The following RASGEF1C variants were observed in gnomAD, a reference collection of about 807,000 sequenced individuals.
RASGEF1C encodes ras-GEF domain-containing family member 1C.
A neutral mutation model predicts 58.1 loss-of-function variants in RASGEF1C; 27 were observed. The ratio of observed to expected loss-of-function variants is 0.46; its 90% CI spans 0.34 to 0.64. The LOEUF is 0.64. Among genes scored for constraint, RASGEF1C ranks in the 30% least tolerant of loss-of-function variants. The pLI, the probability that RASGEF1C is intolerant of heterozygous loss-of-function variation, is 0.01. For synonymous variants in RASGEF1C, 243 were observed against 246.3 expected (o/e 0.99, Z 0.13); for missense variants, 502 against 605.1 (o/e 0.83, Z 1.79).
At chr5:180,182,474 C>CA (rs1561754364) in intron 1 of RASGEF1C, among the ~76,000 whole-genome samples, 1 of 152,146 alleles carries the variant, frequency 6.6e-6, no homozygotes, top group Non-Finnish European at 1.5e-5. Context: ...AGCAGGTTGC[C>CA]GCTGTTGGCT....
rs1483684387 is a variant in RASGEF1C at position 180,198,286 on chromosome 5, G to A, written c.-7+10742C>T. Among the ~76,000 whole-genome samples the A allele has an allele frequency of 6.6e-6, 1 of 152,218 alleles. No individual in the cohort carries two copies. Among genetic ancestry groups the A allele is most frequent in the Non-Finnish European group, 1.5e-5 (1 of 68,042 alleles). On this transcript the variant is annotated intron_variant, in intron 1 of 13. Coordinates refer to ENST00000361132, the MANE Select transcript of RASGEF1C (RefSeq NM_175062.4). This position sits in a 1 kb window ranked among gnomAD's most constrained non-coding sequence, Gnocchi z 4.5. ...TCTGAAAGTCAAAGACACATGTCGGGTGCCCAAGAAGGGAAGAAAGTGAAG... is the reference window on the plus strand; with the variant it reads ...TCTGAAAGTCAAAGACACATGTCGGATGCCCAAGAAGGGAAGAAAGTGAAG...
rs752023456 is a variant in RASGEF1C, at chr5:180,156,585, A to G, written c.-6-18527T>C. On this transcript the variant is annotated intron_variant, in intron 1 of 13. Coordinates refer to ENST00000361132, the MANE Select transcript of RASGEF1C (RefSeq NM_175062.4). This position sits in a 1 kb window ranked among gnomAD's most constrained non-coding sequence, Gnocchi z 4.9. Reference sequence around the variant, plus strand: ...GCAGTTCAAGACCAGCCTGGGCAACATGGTGAGATCCTGTCTCTACTAAAA... The same window carrying G: ...GCAGTTCAAGACCAGCCTGGGCAACGTGGTGAGATCCTGTCTCTACTAAAA... 2.7e-4 allele frequency among the ~76,000 whole-genome samples: 41 copies of G among 152,132 alleles called. No individual in the cohort carries two copies. Among genetic ancestry groups the G allele is most frequent in the Non-Finnish European group, 5.0e-4 (34 of 67,984 alleles).
Position 180,136,373 on chromosome 5 carries a change from C to G in RASGEF1C, c.438+5G>C. On this transcript the variant is annotated splice_donor_5th_base_variant and intron_variant, in intron 4 of 13. Coordinates refer to ENST00000361132, the MANE Select transcript of RASGEF1C (RefSeq NM_175062.4). ...GGGTGACGCGACCCCCGCCCAGCTGCCCACCTCGTCACAGGGGGCGATGCG... is the reference window on the plus strand; with the variant it reads ...GGGTGACGCGACCCCCGCCCAGCTGGCCACCTCGTCACAGGGGGCGATGCG... The G allele has an allele frequency of 1.3e-6, 2 of 1,553,398 alleles. No homozygotes were observed. Among genetic ancestry groups the G allele is most frequent in the East Asian group, 2.4e-5 (1 of 41,166 alleles).
intron 1 of RASGEF1C, among the ~76,000 whole-genome samples, chr5:180,187,919 G>C (rs1048212243): frequency 1.3e-5 from 2 of 152,174 alleles, no homozygotes; most frequent in African/African-American, 4.8e-5. Flanking sequence ...AGGACAGTTT[G>C]ACAGTTCCTC....
At chr5:180,207,856 CAGACG>C (rs1756516863) in intron 1 of RASGEF1C, among the ~76,000 whole-genome samples, 1 of 152,118 alleles carries the variant, frequency 6.6e-6, no homozygotes, top group East Asian at 1.9e-4. Flanking sequence ...CCTCCCTGAC[CAGACG>C]AAGGCTCCGC....
At chr5:180,124,184 A>AT (rs1248607492) in intron 6 of RASGEF1C, among the ~76,000 whole-genome samples, 2 of 151,854 alleles carry the variant, frequency 1.3e-5, no homozygotes, top group Non-Finnish European at 2.9e-5. Context: ...GTGAGCCGAG[A>AT]TAGCGCCACT....
At chr5:180,118,140 C>A (rs1034227415) in intron 10 of RASGEF1C, among the ~76,000 whole-genome samples, 6 of 152,084 alleles carry the variant, frequency 3.9e-5, no homozygotes, top group Non-Finnish European at 7.4e-5. Flanking sequence ...GGTGGAAGAT[C>A]CTGTGTACCT....
Position 180,132,314 on chromosome 5 carries a change from C to T in RASGEF1C, c.439-3704G>A, listed in dbSNP as rs116268371. ...GCGTGCATAGAGCCGGGTGTGAATGCGGAGTCGTCCGACGGTGGCCTGGGC... is the reference window on the plus strand; with the variant it reads ...GCGTGCATAGAGCCGGGTGTGAATGTGGAGTCGTCCGACGGTGGCCTGGGC... On this transcript the variant is annotated intron_variant, in intron 4 of 13. Coordinates refer to ENST00000361132, the MANE Select transcript of RASGEF1C (RefSeq NM_175062.4). 6.7e-3 allele frequency among the ~76,000 whole-genome samples: 1,025 copies of T among 152,348 alleles called. 11 individuals carry two copies. Among genetic ancestry groups the T allele is most frequent in the Non-Finnish European group, 9.6e-3 (654 of 68,036 alleles).
intron 1 of RASGEF1C, among the ~76,000 whole-genome samples, chr5:180,174,043 C>T (rs934740225): frequency 1.1e-4 from 17 of 151,888 alleles, no homozygotes; most frequent in African/African-American, 3.4e-4. Context: ...TGGTCCTCCT[C>T]GCTGCTGCTC....
At chr5:180,140,686 A>G (rs1233251888) in intron 1 of RASGEF1C, among the ~76,000 whole-genome samples, 1 of 152,108 alleles carries the variant, frequency 6.6e-6, no homozygotes, top group Non-Finnish European at 1.5e-5. Flanking sequence ...CACAGAGGAC[A>G]CTGCTGCTCC....
chr5:180,174,410 G>A (rs1444597253), intron 1 of RASGEF1C, among the ~76,000 whole-genome samples: 1 of 150,728 alleles, frequency 6.6e-6, no homozygotes. Context: ...GCGTCTGTGT[G>A]TGCGTGCGTG....
chr5:180,136,882 C>A (rs991992489), intron 3 of RASGEF1C: 2 of 239,414 alleles, frequency 8.4e-6, no homozygotes, highest in Non-Finnish European at 1.6e-5. Flanking sequence ...CAGTGATTGG[C>A]TCACAGGTGG....
In RASGEF1C at chr5:180,153,337, C is replaced by T. The variant is rs1766795813; in HGVS notation, c.-6-15279G>A. Among the ~76,000 whole-genome samples, 7 of 152,310 alleles carry T rather than the reference C, an allele frequency of 4.6e-5. 1 individual carries two copies. The South Asian group carries it at 1.2e-3, about 27-fold the overall frequency. On this transcript the variant is annotated intron_variant, in intron 1 of 13. Transcript: ENST00000361132. ...GGCTGTGTGTAAGCTGTTCCACAAA[C>T]ACATGCACAGCCTGCCATGGGATTT...
At chr5:180,195,212 G>A (rs768245424) in intron 1 of RASGEF1C, among the ~76,000 whole-genome samples, 1 of 152,114 alleles carries the variant, frequency 6.6e-6, no homozygotes, top group Admixed American at 6.6e-5. Flanking sequence ...AGCGTCCCTG[G>A]AGCTGACTCC....
intron 10 of RASGEF1C, chr5:180,115,343 TA>T: frequency 2.4e-6 from 1 of 422,858 alleles, no homozygotes; most frequent in South Asian, 1.7e-5. Flanking sequence ...TTCTTGATGC[TA>T]AGATCTGATC....
intron 12 of RASGEF1C, among the ~76,000 whole-genome samples, chr5:180,107,021 C>T (rs762075764): frequency 2.1e-4 from 32 of 152,120 alleles, no homozygotes; most frequent in Admixed American, 2.6e-4. Context: ...TAATGTCCTT[C>T]TTTGTTTCTG....
At chr5:180,116,950 C>T (rs1047589541) in intron 10 of RASGEF1C, among the ~76,000 whole-genome samples, 1 of 152,262 alleles carries the variant, frequency 6.6e-6, no homozygotes, top group Non-Finnish European at 1.5e-5. Flanking sequence ...AGGTCTCCCG[C>T]CCGAGACTCA....
At chr5:180,201,727 G>T (rs774068331) in intron 1 of RASGEF1C, among the ~76,000 whole-genome samples, 17 of 152,340 alleles carry the variant, frequency 1.1e-4, no homozygotes, top group South Asian at 4.1e-4. Flanking sequence ...GCATTTGGGG[G>T]CGGGGGCCTT....
At chr5:180,169,154 T>C (rs959435222) in intron 1 of RASGEF1C, among the ~76,000 whole-genome samples, 1 of 152,184 alleles carries the variant, frequency 6.6e-6, no homozygotes, top group African/African-American at 2.4e-5. Context: ...ATTACATTAA[T>C]GTTTATGGTC....
Sources: gnomAD v4.1 joint callset for allele counts (sites outside exome capture counted in the v4.1 genomes callset) on GRCh38, gnomAD v4.1.1 for gene constraint, Gnocchi (gnomAD v3.1) non-coding constraint, MANE v1.5 for transcripts, NCBI Gene and HGNC (gene_info 2026-07-23, HGNC 2026-07-21) for gene names.